Variants in DIPK2A observed in about 807,000 individuals in gnomAD.
The protein encoded by DIPK2A is divergent protein kinase domain 2A.
A neutral mutation model predicts 39.0 loss-of-function variants in DIPK2A; 27 were observed. The ratio of observed to expected loss-of-function variants is 0.69; its 90% CI spans 0.51 to 0.96. The LOEUF (loss-of-function observed/expected upper bound fraction) is 0.96, where lower values mean the gene tolerates loss of function less well. DIPK2A is among the 40% of genes least tolerant of loss of function. The pLI, the probability that DIPK2A is intolerant of heterozygous loss-of-function variation, is 0.00. For missense variants in DIPK2A, 528 were observed against 571.3 expected (o/e 0.92, Z 0.77); for synonymous variants, 298 against 240.8 (o/e 1.24, Z -2.20).
intron 1 of DIPK2A, chr3:143,973,319 CTTTCTGCT>C: frequency 6.5e-7 from 1 of 1,537,726 alleles, no homozygotes; most frequent in Non-Finnish European, 8.7e-7. Context: ...TCTACCCTGC[CTTTCTGCT>C]TTTATCTGCC....
intron 2 of DIPK2A, among the ~76,000 whole-genome samples, chr3:143,988,711 T>C (rs2087941395): frequency 6.6e-6 from 1 of 152,222 alleles, no homozygotes; most frequent in African/African-American, 2.4e-5. Flanking sequence ...TAATACCTTA[T>C]AGCTCCTTTA....
chr3:143,973,745 G>C (rs1403015349), intron 1 of DIPK2A: 5 of 606,316 alleles, frequency 8.2e-6, no homozygotes, highest in African/African-American at 5.6e-5. Flanking sequence ...AGGCCAGGGC[G>C]AGTATCAGGG....
At position 143,986,427 on chromosome 3, in the gene DIPK2A, T is replaced by C. The variant is rs944822881; in HGVS notation, c.961+581T>C. ...ATAGATGAGTAGTGTCTGAAGTGTT[T>C]TGAAAATTAAATGCCGGCCGGGTGC... On this transcript the variant is annotated intron_variant, in intron 2 of 2. Coordinates refer to ENST00000315691, the MANE Select transcript of DIPK2A (RefSeq NM_173552.5). Among the ~76,000 whole-genome samples the C allele has an allele frequency of 4.6e-5, 7 of 152,098 alleles. No homozygotes were observed. In the East Asian group the frequency reaches 1.2e-3, roughly 25 times the overall value.
chr3:143,979,696 T>G (rs888718001), intron 1 of DIPK2A, among the ~76,000 whole-genome samples: 86 of 152,174 alleles, frequency 5.7e-4, no homozygotes, highest in African/African-American at 1.7e-3. Context: ...GTTTTGTGTT[T>G]TTTTTTGGTG....
rs1402586922 is a variant in DIPK2A at position 143,972,852 on chromosome 3, C to A, written c.520C>A (p.Arg174Ser). ...GGACCTGGTGCACTGCCCCTCGCAG[C>A]GCCTTCTCGACCGCCTGGTGCGCCG... Reference protein sequence around the residue: ...WSDLVHCPSQRLLDRLVRRYA... With the variant: ...WSDLVHCPSQSLLDRLVRRYA... Residue 174 changes from arginine to serine, a missense_variant, in exon 1 of 3, where the codon CGC (arginine) becomes AGC (serine). Physicochemically the swap from Arg to Ser is moderately radical, Grantham distance 110. This residue lies in a region of DIPK2A where 309 missense variants were observed against 289.8 expected (regional missense o/e 1.07). Transcript: ENST00000315691. The A allele has an allele frequency of 6.4e-7, 1 of 1,569,062 alleles. No individual in the cohort carries two copies. Among genetic ancestry groups the A allele is most frequent in the Non-Finnish European group, 8.6e-7 (1 of 1,160,044 alleles).
intron 1 of DIPK2A, 115 bp downstream of exon 1, chr3:143,973,104 C>T: frequency 7.2e-7 from 1 of 1,381,010 alleles, no homozygotes; most frequent in Non-Finnish European, 9.9e-7. Flanking sequence ...CCGGGCTGGG[C>T]CAGGCTGCAG....
In DIPK2A at chr3:143,982,914, A is replaced by AC. The variant is rs555079463; in HGVS notation, c.658-2629_658-2628insC. 8.5e-5 allele frequency among the ~76,000 whole-genome samples: 13 copies of AC among 152,248 alleles called. 1 individual carries two copies. The South Asian group carries it at 2.7e-3, about 32-fold the overall frequency. On this transcript the variant is annotated intron_variant, in intron 1 of 2. Transcript: ENST00000315691. Reference sequence around the variant, plus strand: ...AAATGGAAAGCAAAAAAAACACAAAAAAAACAAAAGGGGTTGCAATCCTAG... The same window carrying AC: ...AAATGGAAAGCAAAAAAAACACAAAACAAAACAAAAGGGGTTGCAATCCTAG...
Position 143,989,831 on chromosome 3 carries a change from A to G in DIPK2A, c.1283A>G (p.Asn428Ser). Reference sequence around the variant, plus strand: ...GAATACCTAGCACAATTAAGTAACAACGTGAGGTAGTCTATGGTGAACTTT... The same window carrying G: ...GAATACCTAGCACAATTAAGTAACAGCGTGAGGTAGTCTATGGTGAACTTT... ...LREYLAQLSN[N>S]VR The change falls in exon 3 of 3, where the codon AAC becomes AGC. Residue 428 changes from asparagine (N) to serine (S), a missense_variant. By Grantham distance (46) the Asn-to-Ser change is conservative. Around this residue, in one of 2 missense-constraint regions of DIPK2A, gnomAD observed 219 missense variants for 281.5 expected, o/e 0.78. Coordinates refer to ENST00000315691, the MANE Select transcript of DIPK2A (RefSeq NM_173552.5). 1 of 1,611,536 alleles carries G rather than the reference A, an allele frequency of 6.2e-7. No homozygotes were observed. Among genetic ancestry groups the G allele is most frequent in the Non-Finnish European group, 8.5e-7 (1 of 1,177,846 alleles).
chr3:143,977,415 C>G (rs951208746), intron 1 of DIPK2A, among the ~76,000 whole-genome samples: 1 of 151,970 alleles, frequency 6.6e-6, no homozygotes, highest in Admixed American at 6.6e-5. Context: ...GTGGGATGCT[C>G]TCTTTCAAGC....
chr3:143,975,624 A>C (rs1198972538), intron 1 of DIPK2A, among the ~76,000 whole-genome samples: 1 of 138,922 alleles, frequency 7.2e-6, no homozygotes, highest in African/African-American at 3.0e-5. Context: ...AGCTGTTTAC[A>C]GTAATACTGG....
intron 1 of DIPK2A, among the ~76,000 whole-genome samples, chr3:143,984,779 A>G (rs184739582): frequency 3.1e-4 from 47 of 152,302 alleles, no homozygotes; most frequent in Admixed American, 1.7e-3. Flanking sequence ...GGCTAGGCCA[A>G]GGAGAACAGA....
chr3:143,984,136 G>A (rs9841753), intron 1 of DIPK2A, among the ~76,000 whole-genome samples: 151,990 of 152,356 alleles, frequency 1, 75,812 homozygotes, highest in East Asian at 1. Context: ...GTTCTGGATT[G>A]GGTATTGGCT....
chr3:143,981,563 A>C (rs1031319284), intron 1 of DIPK2A, among the ~76,000 whole-genome samples: 3 of 152,206 alleles, frequency 2.0e-5, no homozygotes, highest in African/African-American at 7.2e-5. Context: ...ATCAATCTTA[A>C]CATTATTTTT....
In DIPK2A at chr3:143,975,933, T is replaced by G. The variant is rs115354801; in HGVS notation, c.657+2944T>G. Among the ~76,000 whole-genome samples, 543 of 152,256 alleles carry G rather than the reference T, an allele frequency of 3.6e-3. 3 individuals carry two copies. Among genetic ancestry groups the G allele is most frequent in the Middle Eastern group, 0.01 (3 of 294 alleles). ...TTCAAAATAAGCATGTAAAAATTTC[T>G]TTTGATAAGGTGTTTAAGAACTGAA... On this transcript the variant is annotated intron_variant, in intron 1 of 2. Coordinates refer to ENST00000315691, the MANE Select transcript of DIPK2A (RefSeq NM_173552.5).
intron 1 of DIPK2A, among the ~76,000 whole-genome samples, chr3:143,974,842 A>G (rs1660070463): frequency 6.6e-6 from 1 of 152,174 alleles, no homozygotes; most frequent in African/African-American, 2.4e-5. Context: ...CATCTGATTT[A>G]CACTAAGGTA....
At position 143,972,783 on chromosome 3, in the gene DIPK2A, G is replaced by A. The variant is rs1051849341; in HGVS notation, c.451G>A (p.Gly151Ser). ...MPRTEFARLN[G>S]DVRLLTPEAV... ...CCGGACCGAGTTCGCGCGCCTCAAC[G>A]GCGACGTGCGTCTGCTCACGCCCGA... Residue 151 changes from glycine to serine, a missense_variant, in exon 1 of 3, where the codon GGC becomes AGC. Gly to Ser is a moderately conservative substitution (Grantham distance 56, BLOSUM62 0). Around this residue, in one of 2 missense-constraint regions of DIPK2A, gnomAD observed 309 missense variants for 289.8 expected, o/e 1.07. Transcript: ENST00000315691. The A allele has an allele frequency of 1.8e-5, 29 of 1,569,008 alleles. No homozygotes were observed. Among genetic ancestry groups the A allele is most frequent in the Non-Finnish European group, 2.4e-5 (28 of 1,161,296 alleles).
intron 2 of DIPK2A, among the ~76,000 whole-genome samples, chr3:143,988,323 C>T (rs1467386171): frequency 6.6e-6 from 1 of 152,122 alleles, no homozygotes; most frequent in Non-Finnish European, 1.5e-5. Context: ...TGGTCTCAAA[C>T]TTGTGGGCTT....
At chr3:143,973,458 G>T in intron 1 of DIPK2A, 1 of 1,551,368 alleles carries the variant, frequency 6.4e-7, no homozygotes, top group East Asian at 2.4e-5. Context: ...GCCTAACTTC[G>T]GTCTCAGAGT....
In DIPK2A at chr3:143,988,809, A is replaced by G. The variant is rs1471438743; in HGVS notation, c.962-701A>G. 7.1e-4 allele frequency among the ~76,000 whole-genome samples: 108 copies of G among 152,132 alleles called. 1 individual carries two copies. The highest frequency in any genetic ancestry group is 1.8e-4 in the Non-Finnish European group (12 of 68,018). On this transcript the variant is annotated intron_variant, in intron 2 of 2. Transcript: ENST00000315691. ...CCAATTAGAACCTTAAACTTTACCC[A>G]TATACTTAATTATTTTTGCCTGAAA...
Sources: allele counts gnomAD v4.1 joint callset (sites outside exome capture counted in the v4.1 genomes callset), GRCh38; gene constraint gnomAD v4.1.1; regional missense constraint gnomAD v4.1.1; transcripts MANE v1.5; gene names NCBI Gene and HGNC (gene_info 2026-07-23, HGNC 2026-07-21).